Variants in TENT2 observed in about 807,000 individuals in gnomAD.
TENT2 encodes the protein poly(A) RNA polymerase GLD2.
Under a neutral mutation model 72.2 loss-of-function variants are expected in TENT2, and 44 were observed. The observed-to-expected ratio is 0.61, with a 90% CI of 0.48 to 0.78. The LOEUF (loss-of-function observed/expected upper bound fraction) is 0.78, where lower values mean the gene tolerates loss of function less well. Ranked by LOEUF, TENT2 falls within the 30% of genes least tolerant of loss-of-function variation. The pLI, the probability that TENT2 is intolerant of heterozygous loss-of-function variation, is 0.00. For synonymous variants in TENT2, 212 were observed against 192.5 expected (o/e 1.10, Z -0.84); for missense variants, 541 against 569.6 (o/e 0.95, Z 0.51).
chr5:79,645,045 T>C, intron 7 of TENT2, 78 bp from the exon 8 acceptor site: 1 of 1,156,540 alleles, frequency 8.6e-7, no homozygotes, highest in South Asian at 1.7e-5. Flanking sequence ...GTAAATACTA[T>C]TTTTTAAAAA....
At chr5:79,638,649 G>C (rs1354977192) in intron 4 of TENT2, among the ~76,000 whole-genome samples, 2 of 152,146 alleles carry the variant, frequency 1.3e-5, no homozygotes, top group African/African-American at 4.8e-5. Context: ...TGCATGTTCT[G>C]CTTTTAAGAC....
chr5:79,644,377 G>A (rs563958680), intron 7 of TENT2, among the ~76,000 whole-genome samples: 2 of 152,200 alleles, frequency 1.3e-5, no homozygotes, highest in African/African-American at 4.8e-5. Context: ...GTTAAAAAAT[G>A]AGAAAATTGC....
intron 4 of TENT2, among the ~76,000 whole-genome samples, chr5:79,639,413 A>G (rs1281540220): frequency 2.0e-5 from 3 of 151,990 alleles, no homozygotes; most frequent in African/African-American, 7.3e-5. Context: ...CTCCAATTTT[A>G]TGATTTTTAA....
At chr5:79,639,747 A>G (rs1168095804) in intron 4 of TENT2, among the ~76,000 whole-genome samples, 6 of 152,168 alleles carry the variant, frequency 3.9e-5, no homozygotes. Context: ...TGAAGCCAAG[A>G]TATTATATTG....
chr5:79,643,593 A>G (rs1786185980), intron 7 of TENT2, among the ~76,000 whole-genome samples: 1 of 152,202 alleles, frequency 6.6e-6, no homozygotes, highest in Non-Finnish European at 1.5e-5. Context: ...TGAGCTGGAA[A>G]GTACAAGTCA....
chr5:79,637,083 A>G (rs1159122191), intron 4 of TENT2, among the ~76,000 whole-genome samples: 2 of 152,092 alleles, frequency 1.3e-5, no homozygotes, highest in African/African-American at 4.8e-5. Flanking sequence ...AAGAAAAAAA[A>G]ATTAACCAGA....
chr5:79,615,132 C>T (rs994311155), intron 1 of TENT2: 5 of 152,156 alleles, frequency 3.3e-5, no homozygotes, highest in African/African-American at 1.2e-4. Context: ...TAGATTTCTG[C>T]CCTAGACTAA....
At chr5:79,623,134 C>T in intron 3 of TENT2, 118 bp from the exon 4 acceptor site, 2 of 680,012 alleles carry the variant, frequency 2.9e-6, no homozygotes, top group South Asian at 5.6e-5. Flanking sequence ...ATAAAGTGAC[C>T]TTATTGAAAG....
At chr5:79,671,467 C>T (rs968019507) in intron 12 of TENT2, among the ~76,000 whole-genome samples, 10 of 150,234 alleles carry the variant, frequency 6.7e-5, no homozygotes, top group African/African-American at 2.0e-4. Flanking sequence ...TGCAGTGGTG[C>T]GATCTTAGCT....
At chr5:79,671,409 C>CT (rs60299311) in intron 12 of TENT2, among the ~76,000 whole-genome samples, 2,024 of 142,622 alleles carry the variant, frequency 0.014, 39 homozygotes, top group African/African-American at 0.042. Flanking sequence ...TTTTCTTTTT[C>CT]TTTTTTTTTT....
At chr5:79,670,234 A>G (rs564964961) in intron 12 of TENT2, among the ~76,000 whole-genome samples, 1 of 151,834 alleles carries the variant, frequency 6.6e-6, no homozygotes, top group South Asian at 2.1e-4. Flanking sequence ...AAAAAAAAAG[A>G]AAAAAGGATT....
At chr5:79,664,504 C>T (rs955786748) in intron 11 of TENT2, among the ~76,000 whole-genome samples, 7 of 150,352 alleles carry the variant, frequency 4.7e-5, no homozygotes, top group African/African-American at 1.2e-4. Context: ...CTGAGGCAGG[C>T]GAATTGCTTG....
intron 10 of TENT2, among the ~76,000 whole-genome samples, chr5:79,655,219 C>T (rs1279942119): frequency 6.6e-6 from 1 of 152,082 alleles, no homozygotes; most frequent in African/African-American, 2.4e-5. Flanking sequence ...ACACTAATTG[C>T]TTCTCTGATG....
At chr5:79,659,784 G>A (rs750379012) in intron 11 of TENT2, among the ~76,000 whole-genome samples, 22 of 151,048 alleles carry the variant, frequency 1.5e-4, no homozygotes, top group Non-Finnish European at 3.0e-4. Flanking sequence ...CTCTTTCTTG[G>A]GGGAAGGCAA....
At chr5:79,669,236 ATATTCTTAGC>A (rs1332718439) in intron 12 of TENT2, among the ~76,000 whole-genome samples, 1 of 152,202 alleles carries the variant, frequency 6.6e-6, no homozygotes, top group African/African-American at 2.4e-5. Flanking sequence ...GATAGATTTT[ATATTCTTAGC>A]TAATAAATAC....
At chr5:79,647,118 A>G (rs568307397) in intron 8 of TENT2, among the ~76,000 whole-genome samples, 51 of 152,258 alleles carry the variant, frequency 3.3e-4, no homozygotes, top group Non-Finnish European at 5.6e-4. Context: ...TGGTTATATC[A>G]TTAAATAGTG....
intron 1 of TENT2, among the ~76,000 whole-genome samples, chr5:79,619,048 G>A (rs1762697075): frequency 6.6e-6 from 1 of 152,146 alleles, no homozygotes; most frequent in African/African-American, 2.4e-5. Flanking sequence ...GATCAGTGAA[G>A]GATTCTGATT....
chr5:79,654,819 A>G (rs1796771846), intron 10 of TENT2, among the ~76,000 whole-genome samples: 1 of 152,168 alleles, frequency 6.6e-6, no homozygotes, highest in South Asian at 2.1e-4. Context: ...TTCAAAATTA[A>G]TGATTCTTAG....
intron 11 of TENT2, among the ~76,000 whole-genome samples, chr5:79,664,477 C>T (rs1805610285): frequency 6.6e-6 from 1 of 151,942 alleles, no homozygotes; most frequent in Admixed American, 6.6e-5. Context: ...CGCCTGTAGT[C>T]CCAGCTACTC....
Sources: allele counts gnomAD v4.1 joint callset (sites outside exome capture counted in the v4.1 genomes callset), GRCh38; gene constraint gnomAD v4.1.1; transcripts MANE v1.5; gene names NCBI Gene and HGNC (gene_info 2026-07-23, HGNC 2026-07-21).